The following DYNC2H1 variants were observed in gnomAD, a reference collection of about 807,000 sequenced individuals.
DYNC2H1 encodes dynein cytoplasmic 2 heavy chain 1.
In DYNC2H1, 410 loss-of-function variants were observed where a neutral mutation model predicts 570.0. That is an observed-to-expected ratio of 0.72 (90% CI 0.66 to 0.78). The LOEUF is 0.78. Ranked by LOEUF, DYNC2H1 falls within the 30% of genes least tolerant of loss-of-function variation. DYNC2H1 has a pLI of 0.00. For synonymous variants in DYNC2H1, 1,688 were observed against 1,677.6 expected (o/e 1.01, Z -0.15); for missense variants, 4,865 against 5,046.4 (o/e 0.96, Z 1.09).
At chr11:103,183,917 T>C (rs1229623136) in intron 40 of DYNC2H1, among the ~76,000 whole-genome samples, 1 of 151,924 alleles carries the variant, frequency 6.6e-6, no homozygotes, top group Non-Finnish European at 1.5e-5. Context: ...ACAAGGAAAA[T>C]AAGGATTGTA....
intron 75 of DYNC2H1, among the ~76,000 whole-genome samples, chr11:103,288,897 G>A (rs74965591): frequency 0.12 from 15,589 of 132,584 alleles, 1,449 homozygotes; most frequent in Admixed American, 0.17. Flanking sequence ...AAAAAAAAAA[G>A]AAAGAAAATT....
In DYNC2H1 at chr11:103,181,684, G is replaced by C. The variant is rs1861854889; in HGVS notation, c.6348-73G>C. ...TATGTGCGTAGAATAATGTTTATTG[G>C]AGAAGAAATTTATTTTAATGTAAAT... is the stretch of plus-strand genomic sequence containing the variant. On this transcript the variant is annotated intron_variant, in intron 39 of 88. Coordinates refer to ENST00000375735, the MANE Select transcript of DYNC2H1 (RefSeq NM_001377.3). The surrounding 1 kb of genome is among the most constrained non-coding windows in gnomAD (Gnocchi z 5.0). The C allele has an allele frequency of 7.0e-7, 1 of 1,436,652 alleles. No homozygotes were observed. Among genetic ancestry groups the C allele is most frequent in the African/African-American group, 1.5e-5 (1 of 68,772 alleles). The allele number at this position is 1,436,652 out of a possible 1,614,324, so 89.0% of individuals were successfully genotyped here. A position where few individuals can be genotyped will look rare whatever the true frequency, so the allele number is the denominator to read the frequency against.
rs547787679 is a variant in DYNC2H1 at position 103,425,088 on chromosome 11, C to T, written c.12367-10855C>T. Reference sequence around the variant, plus strand: ...GTAGCTAGGAGTATAGGCACATGCCCTCACACAAGGCTAATTTTTTTATTT... The same window carrying T: ...GTAGCTAGGAGTATAGGCACATGCCTTCACACAAGGCTAATTTTTTTATTT... On this transcript the variant is annotated intron_variant, in intron 84 of 88. Transcript: ENST00000375735. Among the ~76,000 whole-genome samples the T allele has an allele frequency of 7.2e-5, 11 of 152,162 alleles. No individual in the cohort carries two copies. In the East Asian group the frequency reaches 2.1e-3, roughly 29 times the overall value.
Position 103,303,227 on chromosome 11 carries a change from G to A in DYNC2H1, c.11230G>A (p.Glu3744Lys). Residue 3744 changes from glutamate to lysine, a missense_variant, in exon 76 of 89, where the codon GAA becomes AAA. Glu to Lys is a moderately conservative substitution (Grantham distance 56). Around this residue, in one of 5 missense-constraint regions of DYNC2H1, gnomAD observed 2,401 missense variants for 2,454.6 expected, o/e 0.98. Coordinates refer to ENST00000375735, the MANE Select transcript of DYNC2H1 (RefSeq NM_001377.3). ...SQELQELANA[E>K]RSGECYHQVA... ...GGAACTTCAAGAACTAGCTAATGCT[G>A]AAAGAAGCGGAGAGTGTTATCACCA... 1 of 1,612,336 alleles carries A rather than the reference G, an allele frequency of 6.2e-7. No individual in the cohort carries two copies. The highest frequency in any genetic ancestry group is 2.2e-5 in the East Asian group (1 of 44,818).
At chr11:103,290,151 T>G (rs1266490958) in intron 75 of DYNC2H1, among the ~76,000 whole-genome samples, 1 of 152,124 alleles carries the variant, frequency 6.6e-6, no homozygotes, top group South Asian at 2.1e-4. Context: ...GGTGAACCTT[T>G]TGAGGGACAG....
At chr11:103,347,048 A>G (rs929959054) in intron 82 of DYNC2H1, among the ~76,000 whole-genome samples, 3 of 152,212 alleles carry the variant, frequency 2.0e-5, no homozygotes, top group Admixed American at 2.0e-4. Context: ...ACAATTTCCA[A>G]AAGTATTCTT....
chr11:103,238,547 G>A (rs1364478251), intron 63 of DYNC2H1, among the ~76,000 whole-genome samples: 2 of 149,052 alleles, frequency 1.3e-5, no homozygotes, highest in East Asian at 4.0e-4. Context: ...CTCCAGCCTG[G>A]GTGACAGAGT....
intron 17 of DYNC2H1, among the ~76,000 whole-genome samples, chr11:103,139,182 T>C (rs887711833): frequency 6.6e-6 from 1 of 152,226 alleles, no homozygotes; most frequent in Non-Finnish European, 1.5e-5. Context: ...ATTCATTAAT[T>C]TTTTGAATGG....
chr11:103,287,638 T>C, intron 75 of DYNC2H1, 33 bp downstream of exon 75: 1 of 1,532,792 alleles, frequency 6.5e-7, no homozygotes, highest in Admixed American at 2.0e-5. Context: ...ACTAGACCAC[T>C]GACCTGAATT....
intron 1 of DYNC2H1, 68 bp downstream of exon 1, chr11:103,109,837 C>G: frequency 6.7e-7 from 1 of 1,484,018 alleles, no homozygotes; most frequent in South Asian, 1.3e-5. Context: ...GCCAGAGGGA[C>G]GTCGGGTCAC....
chr11:103,114,637 A>G (rs1858285030), intron 3 of DYNC2H1, among the ~76,000 whole-genome samples: 1 of 152,210 alleles, frequency 6.6e-6, no homozygotes, highest in South Asian at 2.1e-4. Context: ...GTAAACACTG[A>G]ATTAGTGAAT....
At chr11:103,470,370 G>A (rs932621361) in intron 88 of DYNC2H1, among the ~76,000 whole-genome samples, 2 of 152,048 alleles carry the variant, frequency 1.3e-5, no homozygotes, top group African/African-American at 4.8e-5. Context: ...AATGAATAGA[G>A]CATTTATCCT....
chr11:103,468,752 C>A, intron 88 of DYNC2H1, 47 bp downstream of exon 88: 1 of 1,383,706 alleles, frequency 7.2e-7, no homozygotes, highest in Non-Finnish European at 1.0e-6. Context: ...TCAGTTCTCT[C>A]TTAGATTTTA....
At chr11:103,470,233 G>T (rs1213253667) in intron 88 of DYNC2H1, among the ~76,000 whole-genome samples, 1 of 152,144 alleles carries the variant, frequency 6.6e-6, no homozygotes, top group African/African-American at 2.4e-5. Flanking sequence ...ACTAGGAATT[G>T]ATAGCTTGGC....
At chr11:103,188,838 G>A (rs1197600525) in intron 44 of DYNC2H1, among the ~76,000 whole-genome samples, 190 bp downstream of exon 44, 1 of 151,960 alleles carries the variant, frequency 6.6e-6, no homozygotes. Context: ...TTTAATCAAA[G>A]CATCTTATTT....
Position 103,243,731 on chromosome 11 carries a change from A to T in DYNC2H1, c.9858A>T (p.Gln3286His), listed in dbSNP as rs1172267285. The change falls in exon 64 of 89, where the codon CAA becomes CAT. Residue 3286 changes from glutamine to histidine, a missense_variant. Gln to His is a conservative substitution (Grantham distance 24). Transcript: ENST00000375735. This position sits in a 1 kb window ranked among gnomAD's most constrained non-coding sequence, Gnocchi z 4.8. Reference sequence around the variant, plus strand: ...CATTTCTTATAGATCCTTCTTCCCAAGCTACAGAGTGGTTAAAAACACATT... The same window carrying T: ...CATTTCTTATAGATCCTTCTTCCCATGCTACAGAGTGGTTAAAAACACATT... ...VCPFLIDPSS[Q>H]ATEWLKTHLK... 1.2e-6 allele frequency: 2 copies of T among 1,606,796 alleles called. No homozygotes were observed. The highest frequency in any genetic ancestry group is 1.7e-5 in the Admixed American group (1 of 59,314).
intron 75 of DYNC2H1, among the ~76,000 whole-genome samples, chr11:103,291,476 GT>G (rs1319480857): frequency 6.7e-6 from 1 of 148,846 alleles, no homozygotes; most frequent in East Asian, 2.0e-4. Context: ...ATTTTTTAAA[GT>G]GCATTTTGGT....
chr11:103,173,199 T>A lies in DYNC2H1; in HGVS notation c.5452T>A (p.Ser1818Thr). The A allele has an allele frequency of 1.2e-6, 2 of 1,602,754 alleles. No homozygotes were observed. Among genetic ancestry groups the A allele is most frequent in the Non-Finnish European group, 1.7e-6 (2 of 1,174,488 alleles). The change falls in exon 35 of 89, where the codon TCT becomes ACT. Residue 1818 changes from serine (S) to threonine (T), a missense_variant. Physicochemically the swap from Ser to Thr is moderately conservative, Grantham distance 58. Around this residue, in one of 5 missense-constraint regions of DYNC2H1, gnomAD observed 292 missense variants for 300.2 expected, o/e 0.97. Coordinates refer to ENST00000375735, the MANE Select transcript of DYNC2H1 (RefSeq NM_001377.3). ...ACAGCTTTTCAGGCCCGTAGCTATG[T>A]CTCATCCAGACAATGAGCTTATTGC... ...LKQLFRPVAM[S>T]HPDNELIAEV...
At position 103,145,751 on chromosome 11, in the gene DYNC2H1, T is replaced by C. The variant is rs1860210911; in HGVS notation, c.2703-2021T>C. The stretch of plus-strand genomic sequence containing the variant: ...CTATGTTCTAGTGATGTATTTTAGA[T>C]AGTATCATAAGAAAATCATTTTTGA... On this transcript the variant is annotated intron_variant, in intron 18 of 88. Transcript: ENST00000375735. This position sits in a 1 kb window ranked among gnomAD's most constrained non-coding sequence, Gnocchi z 4.2. Among the ~76,000 whole-genome samples, 1 of 152,230 alleles carries C rather than the reference T, an allele frequency of 6.6e-6. No individual in the cohort carries two copies. The highest frequency in any genetic ancestry group is 1.9e-4 in the East Asian group (1 of 5,208).
Sources: allele counts gnomAD v4.1 joint callset (sites outside exome capture counted in the v4.1 genomes callset), GRCh38; gene constraint gnomAD v4.1.1; regional missense constraint gnomAD v4.1.1; non-coding constraint Gnocchi (gnomAD v3.1); transcripts MANE v1.5; gene names NCBI Gene and HGNC (gene_info 2026-07-23, HGNC 2026-07-21).